Variants in CYP20A1 observed in about 807,000 individuals in gnomAD.
The protein encoded by CYP20A1 is cytochrome P450 20A1.
A neutral mutation model predicts 61.4 loss-of-function variants in CYP20A1; 61 were observed. That is an observed-to-expected ratio of 0.99 (90% CI 0.81 to 1.23). The LOEUF is 1.23. Ranked by LOEUF, CYP20A1 falls within the 50% of genes most tolerant of loss-of-function variation. The probability of loss-of-function intolerance (pLI) is 0.00; values close to 1 mark genes in which losing one functional copy is unlikely to be tolerated. For missense variants in CYP20A1, 530 were observed against 542.4 expected (o/e 0.98, Z 0.23); for synonymous variants, 193 against 188.2 (o/e 1.03, Z -0.21).
At chr2:203,283,888 C>T (rs186708672) in intron 8 of CYP20A1, among the ~76,000 whole-genome samples, 9 of 152,184 alleles carry the variant, frequency 5.9e-5, no homozygotes, top group African/African-American at 1.9e-4. Flanking sequence ...AAGCAGAGTA[C>T]AGGATTGACC....
At chr2:203,286,978 G>A (rs1444446447) in intron 9 of CYP20A1, among the ~76,000 whole-genome samples, 1 of 151,812 alleles carries the variant, frequency 6.6e-6, no homozygotes, top group Non-Finnish European at 1.5e-5. Flanking sequence ...CAATTTGGGA[G>A]GCCAAGGTAA....
chr2:203,248,323 C>A (rs971047263), intron 3 of CYP20A1, among the ~76,000 whole-genome samples: 2 of 152,138 alleles, frequency 1.3e-5, no homozygotes, highest in Admixed American at 1.3e-4. Context: ...CACATGAGGT[C>A]AGGATTTCGA....
At chr2:203,266,855 C>T (rs1375833740) in intron 5 of CYP20A1, among the ~76,000 whole-genome samples, 174 bp downstream of exon 5, 2 of 152,006 alleles carry the variant, frequency 1.3e-5, no homozygotes, top group African/African-American at 4.8e-5. Context: ...GTGGTGGGTG[C>T]CTGTAATCCC....
chr2:203,276,444 T>G (rs1255554125), intron 6 of CYP20A1, among the ~76,000 whole-genome samples: 1 of 151,934 alleles, frequency 6.6e-6, no homozygotes, highest in Non-Finnish European at 1.5e-5. Flanking sequence ...GTTAGAAGGC[T>G]GCTGCAATAA....
At chr2:203,288,069 T>C (rs1438476473) in intron 9 of CYP20A1, among the ~76,000 whole-genome samples, 18 of 142,478 alleles carry the variant, frequency 1.3e-4, no homozygotes, top group Middle Eastern at 3.4e-3. Context: ...CTCTTTTTTT[T>C]TTTTTTTTTT....
chr2:203,283,752 T>C (rs1181283203), intron 8 of CYP20A1, among the ~76,000 whole-genome samples: 1 of 151,532 alleles, frequency 6.6e-6, no homozygotes, highest in Admixed American at 6.6e-5. Flanking sequence ...TTTCACCATG[T>C]TGGCCAGGAT....
rs528130240 is a variant in CYP20A1 at position 203,302,853 on chromosome 2, C to T, written c.*5945C>T. Among the ~76,000 whole-genome samples the T allele has an allele frequency of 6.6e-6, 1 of 152,018 alleles. No homozygotes were observed. Among genetic ancestry groups the T allele is most frequent in the Non-Finnish European group, 1.5e-5 (1 of 67,992 alleles). ...GGTTACAGGCGCGTGCCATCACACCCAGCTCATTTTTGTATTTTTAGTAGA... is the reference window on the plus strand; with the variant it reads ...GGTTACAGGCGCGTGCCATCACACCTAGCTCATTTTTGTATTTTTAGTAGA... On this transcript the variant is annotated 3_prime_UTR_variant, in exon 13 of 13. Coordinates refer to ENST00000356079, the MANE Select transcript of CYP20A1 (RefSeq NM_177538.3).
intron 4 of CYP20A1, among the ~76,000 whole-genome samples, chr2:203,265,980 G>A (rs1040106973): frequency 2.6e-5 from 4 of 152,060 alleles, no homozygotes; most frequent in Admixed American, 6.6e-5. Flanking sequence ...ATGAACCACC[G>A]TGCCCGGCCT....
At chr2:203,269,205 G>C (rs1444544839) in intron 5 of CYP20A1, among the ~76,000 whole-genome samples, 1 of 151,922 alleles carries the variant, frequency 6.6e-6, no homozygotes, top group Non-Finnish European at 1.5e-5. Context: ...ACTTTGGGAA[G>C]CCAAGGCAGG....
chr2:203,265,325 C>A (rs2067281172), intron 4 of CYP20A1, among the ~76,000 whole-genome samples: 1 of 152,160 alleles, frequency 6.6e-6, no homozygotes. Context: ...GACAAAATCA[C>A]CCTGGTTGAG....
chr2:203,264,904 TA>T (rs2067266832), intron 4 of CYP20A1, among the ~76,000 whole-genome samples: 2 of 151,960 alleles, frequency 1.3e-5, no homozygotes, highest in East Asian at 3.9e-4. Context: ...TAATTTTTGG[TA>T]TTTTTAGTAG....
Position 203,278,617 on chromosome 2 carries a change from C to G in CYP20A1, c.724C>G (p.Arg242Gly). ...ESVLRNIIKERKGRNFSQHIF... is the reference protein window; with the variant it reads ...ESVLRNIIKEGKGRNFSQHIF... ...TGTTTTAAGGAACATCATAAAAGAA[C>G]GAAAAGGAAGGAACTTCAGTCAACA... Residue 242 changes from arginine (R) to glycine (G), a missense_variant, in exon 7 of 13, where the codon CGA (arginine) becomes GGA (glycine). Arg to Gly is a moderately radical substitution (Grantham distance 125). Coordinates refer to ENST00000356079, the MANE Select transcript of CYP20A1 (RefSeq NM_177538.3). The G allele has an allele frequency of 6.2e-7, 1 of 1,606,280 alleles. No homozygotes were observed. The highest frequency in any genetic ancestry group is 8.5e-7 in the Non-Finnish European group (1 of 1,176,606).
At chr2:203,247,661 A>G (rs1239428704) in intron 3 of CYP20A1, among the ~76,000 whole-genome samples, 1 of 151,982 alleles carries the variant, frequency 6.6e-6, no homozygotes, top group Admixed American at 6.6e-5. Flanking sequence ...GATCGAGACC[A>G]TCCTAGCCAA....
At chr2:203,245,737 T>A (rs1315309590) in intron 1 of CYP20A1, 109 bp from the exon 2 acceptor site, 2 of 551,220 alleles carry the variant, frequency 3.6e-6, no homozygotes, top group Non-Finnish European at 6.3e-6. Flanking sequence ...TTTCTTAGAT[T>A]CAGCTTAATT....
In CYP20A1 at chr2:203,303,747, A is replaced by G. The variant is rs2152120498; in HGVS notation, c.*6839A>G. Among the ~76,000 whole-genome samples the G allele has an allele frequency of 6.6e-6, 1 of 152,020 alleles. No individual in the cohort carries two copies. Among genetic ancestry groups the G allele is most frequent in the South Asian group, 2.1e-4 (1 of 4,808 alleles). ...AAAACTTAACTGGCCTTTGGGGCAC[A>G]TGCCTGTAATCCCAGCTTCTTGGGA... is the stretch of plus-strand genomic sequence containing the variant. On this transcript the variant is annotated 3_prime_UTR_variant, in exon 13 of 13. Coordinates refer to ENST00000356079, the MANE Select transcript of CYP20A1 (RefSeq NM_177538.3).
intron 3 of CYP20A1, among the ~76,000 whole-genome samples, chr2:203,251,092 A>G (rs530655150): frequency 9.2e-5 from 13 of 141,654 alleles, no homozygotes; most frequent in Non-Finnish European, 1.9e-4. Context: ...AAAAGAGATG[A>G]TAACAGCTGT....
At chr2:203,242,905 G>A (rs1480246255) in intron 1 of CYP20A1, among the ~76,000 whole-genome samples, 2 of 151,866 alleles carry the variant, frequency 1.3e-5, no homozygotes, top group Non-Finnish European at 2.9e-5. Context: ...AACCCTAATT[G>A]TGATTAAATC....
chr2:203,264,890 C>T lies in CYP20A1; in HGVS notation c.433-1624C>T, dbSNP rs189745477. Among the ~76,000 whole-genome samples the T allele has an allele frequency of 1.6e-3, 246 of 151,984 alleles. 3 individuals carry two copies. Among genetic ancestry groups the T allele is most frequent in the African/African-American group, 5.2e-3 (215 of 41,420 alleles). The stretch of plus-strand genomic sequence containing the variant: ...GACTACAGATGCTTGCCACCACACC[C>T]GGCTAATTTTTGGTATTTTTAGTAG... On this transcript the variant is annotated intron_variant, in intron 4 of 12. Coordinates refer to ENST00000356079, the MANE Select transcript of CYP20A1 (RefSeq NM_177538.3).
Position 203,239,052 on chromosome 2 carries a change from G to T in CYP20A1, c.-11G>T, listed in dbSNP as rs1422973526. On this transcript the variant is annotated 5_prime_UTR_variant, in exon 1 of 13. Coordinates refer to ENST00000356079, the MANE Select transcript of CYP20A1 (RefSeq NM_177538.3). ...GCCGATCCGAGACGTGGCTCCCTGG[G>T]CGGCAGAACCATGTTGGACTTCGCG... 6.2e-7 allele frequency: 1 copy of T among 1,613,312 alleles called. No homozygotes were observed. Among genetic ancestry groups the T allele is most frequent in the East Asian group, 2.2e-5 (1 of 44,854 alleles).
Sources: gnomAD v4.1 joint callset for allele counts (sites outside exome capture counted in the v4.1 genomes callset) on GRCh38, gnomAD v4.1.1 for gene constraint, MANE v1.5 for transcripts, NCBI Gene and HGNC (gene_info 2026-07-23, HGNC 2026-07-21) for gene names.